The following RBFOX1 variants were observed in gnomAD, a reference collection of about 807,000 sequenced individuals.
The protein encoded by RBFOX1 is RNA binding protein fox-1 homolog 1.
A neutral mutation model predicts 57.7 loss-of-function variants in RBFOX1; 8 were observed. The ratio of observed to expected loss-of-function variants is 0.14; its 90% CI spans 0.08 to 0.25. RBFOX1 has a LOEUF of 0.25. RBFOX1 is among the 10% of genes least tolerant of loss of function. The pLI, the probability that RBFOX1 is intolerant of heterozygous loss-of-function variation, is 1.00. For synonymous variants in RBFOX1, 326 were observed against 222.4 expected, an observed-to-expected ratio of 1.47 and a Z score of -4.15; for missense variants, 611 against 548.5, an observed-to-expected ratio of 1.11 and a Z score of -1.14.
At chr16:5,908,574 A>G (rs1292754054) in intron 4 of RBFOX1, among the ~76,000 whole-genome samples, 3 of 151,916 alleles carry the variant, frequency 2.0e-5, no homozygotes. Flanking sequence ...GCTGGTCTCG[A>G]ACTCCTGACC....
intron 4 of RBFOX1, among the ~76,000 whole-genome samples, chr16:7,458,099 C>T (rs1013223122): frequency 1.3e-5 from 2 of 152,142 alleles, no homozygotes; most frequent in Non-Finnish European, 2.9e-5. Context: ...ACAAAGCTTC[C>T]TGTTCTTTGC....
chr16:7,226,291 A>G (rs1391613462), intron 4 of RBFOX1, among the ~76,000 whole-genome samples: 1 of 152,198 alleles, frequency 6.6e-6, no homozygotes, highest in Admixed American at 6.5e-5. Flanking sequence ...ATGAACTACA[A>G]GCTACGGAGT....
At chr16:5,427,336 G>C (rs1440409674) in intron 1 of RBFOX1, among the ~76,000 whole-genome samples, 1 of 152,218 alleles carries the variant, frequency 6.6e-6, no homozygotes, top group African/African-American at 2.4e-5. Context: ...TTTAATCCCA[G>C]CACTTTAGGA....
chr16:6,700,453 T>G (rs2061660601), intron 3 of RBFOX1, among the ~76,000 whole-genome samples: 1 of 151,340 alleles, frequency 6.6e-6, no homozygotes, highest in East Asian at 1.9e-4. Flanking sequence ...AGGTCAGGAG[T>G]TGGAGACCAG....
At chr16:5,415,855 G>A (rs1461953012) in intron 1 of RBFOX1, among the ~76,000 whole-genome samples, 1 of 152,194 alleles carries the variant, frequency 6.6e-6, no homozygotes, top group Admixed American at 6.5e-5. Flanking sequence ...AGGGATATTT[G>A]TTGGTTATAA....
chr16:7,078,961 G>A (rs1436917589), intron 4 of RBFOX1, among the ~76,000 whole-genome samples: 1 of 135,062 alleles, frequency 7.4e-6, no homozygotes, highest in Non-Finnish European at 1.5e-5. Flanking sequence ...ACCCACCTTG[G>A]CCTCCCAACA....
At chr16:6,805,669 G>A (rs1035498251) in intron 3 of RBFOX1, among the ~76,000 whole-genome samples, 1 of 149,958 alleles carries the variant, frequency 6.7e-6, no homozygotes, top group East Asian at 1.9e-4. Flanking sequence ...GTTAATGAAT[G>A]CTGAAAACAT....
intron 3 of RBFOX1, among the ~76,000 whole-genome samples, chr16:5,677,556 C>G (rs1017400428): frequency 6.6e-6 from 1 of 152,126 alleles, no homozygotes; most frequent in Admixed American, 6.6e-5. Flanking sequence ...AGAAATTCAC[C>G]GGACCAATCC....
In RBFOX1 at chr16:7,062,311, C is replaced by G. The variant is rs139874814; in HGVS notation, c.27+10213C>G. 4.1e-3 allele frequency among the ~76,000 whole-genome samples: 374 copies of G among 91,574 alleles called. 6 individuals are homozygous for G. The highest frequency in any genetic ancestry group is 0.017 in the African/African-American group (356 of 20,656). 60.1% of individuals were successfully genotyped at this position (91,574 alleles called of 152,430 possible). ...CCAGTCTGAGAGACAGAGTGAGACT[C>G]CATCTCAAAAAAAAAAAAAAAAAAA... On this transcript the variant is annotated intron_variant, in intron 4 of 15. Coordinates refer to ENST00000550418, the MANE Select transcript of RBFOX1 (RefSeq NM_018723.4).
intron 3 of RBFOX1, among the ~76,000 whole-genome samples, chr16:6,854,582 G>A (rs1296988479): frequency 9.0e-6 from 1 of 110,722 alleles, no homozygotes; most frequent in Admixed American, 1.1e-4. Context: ...AACTAGGAGA[G>A]GTGAATTTTT....
intron 2 of RBFOX1, among the ~76,000 whole-genome samples, chr16:6,435,600 G>A (rs1163119713): frequency 6.6e-6 from 1 of 152,064 alleles, no homozygotes; most frequent in Admixed American, 6.6e-5. Context: ...CACCATGCCT[G>A]GCCAGTATTC....
chr16:7,199,945 A>T (rs1325817954), intron 4 of RBFOX1, among the ~76,000 whole-genome samples: 1 of 152,182 alleles, frequency 6.6e-6, no homozygotes, highest in African/African-American at 2.4e-5. Context: ...AAATTAGACA[A>T]AAGAACAAAC....
At chr16:6,666,129 C>G (rs1395582242) in intron 3 of RBFOX1, among the ~76,000 whole-genome samples, 1 of 152,132 alleles carries the variant, frequency 6.6e-6, no homozygotes, top group Non-Finnish European at 1.5e-5. Context: ...TGAGACCTGC[C>G]AGCCACATGG....
At chr16:6,851,508 G>A (rs533853673) in intron 3 of RBFOX1, among the ~76,000 whole-genome samples, 5 of 152,250 alleles carry the variant, frequency 3.3e-5, no homozygotes, top group African/African-American at 1.2e-4. Context: ...GAGTTTGAAA[G>A]ATATTCACAA....
At position 6,950,912 on chromosome 16, in the gene RBFOX1, C is replaced by G. The variant is rs200353458; in HGVS notation, c.-15-101145C>G. On this transcript the variant is annotated intron_variant, in intron 3 of 15. Transcript: ENST00000550418. ...TTCTTTTCACTCTTTCTTTCTTTCT[C>G]TCTTTTTTTTTGACATAGGATCTTG... 4.0e-5 allele frequency among the ~76,000 whole-genome samples: 6 copies of G among 149,412 alleles called. No homozygotes were observed. In the East Asian group the frequency reaches 9.8e-4, roughly 24 times the overall value.
intron 3 of RBFOX1, among the ~76,000 whole-genome samples, chr16:5,628,220 G>C (rs2048400791): frequency 6.6e-6 from 1 of 152,176 alleles, no homozygotes; most frequent in African/African-American, 2.4e-5. Flanking sequence ...CCCAGTGTTT[G>C]AGTTGAGGAC....
At chr16:7,352,058 G>A (rs2146013252) in intron 4 of RBFOX1, among the ~76,000 whole-genome samples, 1 of 152,236 alleles carries the variant, frequency 6.6e-6, no homozygotes, top group South Asian at 2.1e-4. Context: ...TAAATAATAT[G>A]TCACGCTGTA....
At chr16:7,646,743 C>T (rs1381912823) in intron 11 of RBFOX1, among the ~76,000 whole-genome samples, 1 of 152,250 alleles carries the variant, frequency 6.6e-6, no homozygotes, top group Admixed American at 6.5e-5. Context: ...CCCCAGAGCT[C>T]TAAAACTTTA....
At chr16:5,565,498 G>A (rs1187821230) in intron 2 of RBFOX1, among the ~76,000 whole-genome samples, 2 of 151,998 alleles carry the variant, frequency 1.3e-5, no homozygotes, top group Non-Finnish European at 2.9e-5. Flanking sequence ...GGTGGCACCT[G>A]CGTATAATCC....
Sources: allele counts gnomAD v4.1 joint callset (sites outside exome capture counted in the v4.1 genomes callset), GRCh38; gene constraint gnomAD v4.1.1; transcripts MANE v1.5; gene names NCBI Gene and HGNC (gene_info 2026-07-23, HGNC 2026-07-21).